The following PAFAH1B1 variants were observed in gnomAD, a reference collection of about 807,000 sequenced individuals.
The protein encoded by PAFAH1B1 is platelet-activating factor acetylhydrolase IB subunit beta.
PAFAH1B1 carries 2 observed loss-of-function variants against 57.5 expected under a neutral mutation model. That is an observed-to-expected ratio of 0.03 (90% confidence interval 0.01 to 0.11). PAFAH1B1 has a LOEUF of 0.11. PAFAH1B1 is among the 10% of genes least tolerant of loss of function. The pLI is 1.00. For synonymous variants in PAFAH1B1, 152 were observed against 169.6 expected (o/e 0.90, Z 0.81); for missense variants, 257 against 512.0 (o/e 0.50, Z 4.81).
chr17:2,614,101 C>G (rs946147440), intron 1 of PAFAH1B1, among the ~76,000 whole-genome samples: 2 of 132,264 alleles, frequency 1.5e-5, no homozygotes, highest in African/African-American at 3.0e-5. Flanking sequence ...TCACAGTTCA[C>G]TGCTGCAGCC....
chr17:2,664,247 T>C (rs1027885601), intron 2 of PAFAH1B1, among the ~76,000 whole-genome samples: 3 of 152,190 alleles, frequency 2.0e-5, no homozygotes, highest in African/African-American at 7.2e-5. Context: ...GAGTGTGTTT[T>C]GTTTTGTATT....
At chr17:2,664,665 G>GCGCGCTCGCTCTCTCTCTCT in intron 2 of PAFAH1B1, among the ~76,000 whole-genome samples, 1 of 86,028 alleles carries the variant, frequency 1.2e-5, no homozygotes, top group Non-Finnish European at 2.6e-5. Context: ...TCTATCTATC[G>GCGCGCTCGCTCTCTCTCTCT]CTCTCTCTCT....
At chr17:2,641,476 G>A (rs891942984) in intron 2 of PAFAH1B1, 4 of 151,686 alleles carry the variant, frequency 2.6e-5, no homozygotes, top group African/African-American at 9.7e-5. Flanking sequence ...CATTATTGGT[G>A]TGAACTCATG....
intron 6 of PAFAH1B1, among the ~76,000 whole-genome samples, 195 bp from the exon 7 acceptor site, chr17:2,672,460 G>A (rs1225259345): frequency 6.6e-6 from 1 of 151,996 alleles, no homozygotes; most frequent in Non-Finnish European, 1.5e-5. Flanking sequence ...CTATTTCCTT[G>A]TGGGTTGTTG....
intron 1 of PAFAH1B1, among the ~76,000 whole-genome samples, chr17:2,596,297 TAGG>T (rs1052061282): frequency 4.6e-5 from 7 of 152,258 alleles, no homozygotes; most frequent in African/African-American, 1.7e-4. Flanking sequence ...TGGCAAGAAA[TAGG>T]GGGTACAGGA....
rs1375975062 is a variant in PAFAH1B1 at position 2,602,903 on chromosome 17, C to G, written c.-191+8897C>G. 2.0e-5 allele frequency among the ~76,000 whole-genome samples: 3 copies of G among 152,350 alleles called. No individual in the cohort carries two copies. In the East Asian group the frequency reaches 5.8e-4, roughly 29 times the overall value. On this transcript the variant is annotated intron_variant, in intron 1 of 10. Transcript: ENST00000397195. ...AAGTTGAACCTCAGGTACTGAGGCT[C>G]CACAGTTGGGGCTTTCAGCCACCGT...
At chr17:2,665,492 A>G (rs751977750) in intron 3 of PAFAH1B1, 36 bp downstream of exon 3, 2 of 1,192,170 alleles carry the variant, frequency 1.7e-6, no homozygotes, top group Non-Finnish European at 1.3e-6. Flanking sequence ...AGTATAGTTA[A>G]TGAGTGGATT....
chr17:2,611,485 TAAAA>T (rs1483749966), intron 1 of PAFAH1B1, among the ~76,000 whole-genome samples: 2 of 147,532 alleles, frequency 1.4e-5, no homozygotes, highest in African/African-American at 5.0e-5. Context: ...AAAAAAAAAA[TAAAA>T]AAAGAAAGAA....
Position 2,662,263 on chromosome 17 carries a change from A to G in PAFAH1B1, c.33-3109A>G, listed in dbSNP as rs186943150. Among the ~76,000 whole-genome samples the G allele has an allele frequency of 5.4e-3, 826 of 152,308 alleles. 6 individuals carry two copies. The highest frequency in any genetic ancestry group is 0.016 in the South Asian group (79 of 4,834). On this transcript the variant is annotated intron_variant, in intron 2 of 10. Transcript: ENST00000397195. ...TTGTAATAGTTTGATATTTAAGCCT[A>G]GGCTGTGTCTAGCTTAGGATCTGTT...
chr17:2,654,149 C>T lies in PAFAH1B1; in HGVS notation c.33-11223C>T, dbSNP rs140553195. On this transcript the variant is annotated intron_variant, in intron 2 of 10. Coordinates refer to ENST00000397195, the MANE Select transcript of PAFAH1B1 (RefSeq NM_000430.4). Reference sequence around the variant, plus strand: ...ATATAAACTATTTAATATGCTGCTTCTATCCAGCTTACATGTTGAGGTCCC... The same window carrying T: ...ATATAAACTATTTAATATGCTGCTTTTATCCAGCTTACATGTTGAGGTCCC... Among the ~76,000 whole-genome samples the T allele has an allele frequency of 3.0e-3, 456 of 150,728 alleles. 1 individual carries two copies. The highest frequency in any genetic ancestry group is 9.9e-3 in the African/African-American group (408 of 41,060).
At chr17:2,649,153 G>A (rs957442335) in intron 2 of PAFAH1B1, among the ~76,000 whole-genome samples, 1 of 150,484 alleles carries the variant, frequency 6.6e-6, no homozygotes, top group African/African-American at 2.5e-5. Context: ...GGAGGCAGAG[G>A]CTGCAGTGAG....
intron 2 of PAFAH1B1, among the ~76,000 whole-genome samples, chr17:2,660,871 G>A (rs117639446): frequency 1.0e-3 from 156 of 152,210 alleles, no homozygotes; most frequent in Non-Finnish European, 1.7e-3. Flanking sequence ...CCCACCAATC[G>A]TGTAAAAGCA....
At chr17:2,658,117 T>C (rs1477817895) in intron 2 of PAFAH1B1, among the ~76,000 whole-genome samples, 1 of 152,230 alleles carries the variant, frequency 6.6e-6, no homozygotes, top group African/African-American at 2.4e-5. Context: ...TCTGGAAACG[T>C]AGCTGACCTC....
At chr17:2,622,274 A>G (rs985514602) in intron 1 of PAFAH1B1, among the ~76,000 whole-genome samples, 27 of 152,268 alleles carry the variant, frequency 1.8e-4, no homozygotes, top group African/African-American at 4.3e-4. Context: ...CATTAACCCA[A>G]AAGTCCACAG....
chr17:2,661,231 G>C (rs921912565), intron 2 of PAFAH1B1, among the ~76,000 whole-genome samples: 1 of 152,114 alleles, frequency 6.6e-6, no homozygotes, highest in African/African-American at 2.4e-5. Flanking sequence ...TTTTCATCAA[G>C]AAATCTTTGC....
intron 1 of PAFAH1B1, among the ~76,000 whole-genome samples, chr17:2,626,579 A>G (rs2068496019): frequency 1.3e-5 from 1 of 74,452 alleles, no homozygotes; most frequent in African/African-American, 5.4e-5. Context: ...CCCGAGGCGG[A>G]GTCTTGTTCT....
chr17:2,638,728 G>A (rs965840697), intron 2 of PAFAH1B1: 3 of 203,412 alleles, frequency 1.5e-5, no homozygotes, highest in South Asian at 7.3e-5. Flanking sequence ...GGCTGGTCTC[G>A]AACTCCTGAC....
At chr17:2,626,552 T>C (rs111295932) in intron 1 of PAFAH1B1, among the ~76,000 whole-genome samples, 1 of 48,572 alleles carries the variant, frequency 2.1e-5, no homozygotes, top group African/African-American at 1.0e-4. Context: ...ATCACCTTTC[T>C]TCCCCCCCCC....
At chr17:2,674,375 T>TTAA in intron 8 of PAFAH1B1, 87 bp downstream of exon 8, 2 of 926,420 alleles carry the variant, frequency 2.2e-6, no homozygotes, top group Non-Finnish European at 3.5e-6. Context: ...TTCAGGGCTG[T>TTAA]TAATGCATTT....
Sources: gnomAD v4.1 joint callset for allele counts (sites outside exome capture counted in the v4.1 genomes callset) on GRCh38, gnomAD v4.1.1 for gene constraint, MANE v1.5 for transcripts, NCBI Gene and HGNC (gene_info 2026-07-23, HGNC 2026-07-21) for gene names.